KIAA1217: variants seen among roughly 807,000 people sequenced by gnomAD.
The protein encoded by KIAA1217 is KIAA1217, also known as sickle tail protein homolog.
KIAA1217 carries 88 observed loss-of-function variants against 163.9 expected under a neutral mutation model. The observed-to-expected ratio is 0.54, with a 90% CI of 0.45 to 0.64. The LOEUF (loss-of-function observed/expected upper bound fraction) is 0.64. KIAA1217 is among the 30% of genes least tolerant of loss of function. The pLI, the probability that KIAA1217 is intolerant of heterozygous loss-of-function variation, is 0.00. For synonymous variants in KIAA1217, 903 were observed against 923.1 expected, an observed-to-expected ratio of 0.98 and a Z score of 0.39; for missense variants, 2,372 against 2,475.0, an observed-to-expected ratio of 0.96 and a Z score of 0.88.
At chr10:24,210,019 G>C (rs1407622515) in intron 1 of KIAA1217, among the ~76,000 whole-genome samples, 2 of 152,116 alleles carry the variant, frequency 1.3e-5, no homozygotes, top group Non-Finnish European at 2.9e-5. Flanking sequence ...GTGATGCCAA[G>C]AGCTGATTCT....
At chr10:24,343,110 G>A (rs993629160) in intron 2 of KIAA1217, among the ~76,000 whole-genome samples, 1 of 152,074 alleles carries the variant, frequency 6.6e-6, no homozygotes, top group Non-Finnish European at 1.5e-5. Flanking sequence ...TTCTTACGAA[G>A]GCAAAGCTGC....
At chr10:24,416,791 C>T (rs752790382) in intron 3 of KIAA1217, among the ~76,000 whole-genome samples, 3 of 152,090 alleles carry the variant, frequency 2.0e-5, no homozygotes, top group East Asian at 1.9e-4. Context: ...CTCAGGCACA[C>T]GTGAGTGATT....
chr10:23,982,818 C>G lies in KIAA1217; in HGVS notation c.-320-24407C>G, dbSNP rs534544730. The stretch of plus-strand genomic sequence containing the variant: ...ATCTCAGGTGATCCACCCACCTCAG[C>G]CTCCCAACGTGCTAGGATTACAGGC... On this transcript the variant is annotated intron_variant, in intron 1 of 18. Coordinates refer to the KIAA1217 transcript ENST00000376462. Among the ~76,000 whole-genome samples, 153 of 152,210 alleles carry G rather than the reference C, an allele frequency of 1.0e-3. 3 individuals are homozygous for G. The Middle Eastern group carries it at 0.01, about 10-fold the overall frequency.
chr10:24,473,816 A>G lies in KIAA1217; in HGVS notation c.1435A>G (p.Ser479Gly). The change falls in exon 6 of 21, where the codon AGT becomes GGT. Residue 479 changes from serine (S) to glycine (G), a missense_variant. Ser to Gly is a moderately conservative substitution (Grantham distance 56, BLOSUM62 0). Transcript: ENST00000376454. ...KTPPASPHRV[S>G]DLRMIDMHAH... ...ACCCCCTGCCTCTCCTCACAGAGTCAGTGACCTGAGGATGATAGACATGCA... is the reference window on the plus strand; with the variant it reads ...ACCCCCTGCCTCTCCTCACAGAGTCGGTGACCTGAGGATGATAGACATGCA... 3.7e-6 allele frequency: 6 copies of G among 1,614,166 alleles called. No homozygotes were observed. Among genetic ancestry groups the G allele is most frequent in the Non-Finnish European group, 5.1e-6 (6 of 1,180,028 alleles).
At chr10:24,495,226 G>T in intron 8 of KIAA1217, 30 bp downstream of exon 8, 1 of 1,592,030 alleles carries the variant, frequency 6.3e-7, no homozygotes, top group South Asian at 1.1e-5. Context: ...GCTGTAGGAG[G>T]CCTGTGGGCT....
intron 1 of KIAA1217, among the ~76,000 whole-genome samples, chr10:23,992,005 TCC>T (rs1340086602): frequency 2.0e-5 from 3 of 152,098 alleles, no homozygotes; most frequent in Admixed American, 1.3e-4. Context: ...TGTCTTGCAA[TCC>T]ATTAATATTA....
intron 1 of KIAA1217, among the ~76,000 whole-genome samples, chr10:24,212,334 A>C (rs1238524578): frequency 6.6e-6 from 1 of 152,166 alleles, no homozygotes; most frequent in Non-Finnish European, 1.5e-5. Flanking sequence ...TCTGAGGAGC[A>C]ATCTTTTGAT....
intron 1 of KIAA1217, among the ~76,000 whole-genome samples, chr10:23,768,476 A>G (rs34700341): frequency 0.029 from 4,416 of 152,342 alleles, 108 homozygotes; most frequent in Non-Finnish European, 0.046. Flanking sequence ...TACATATTAA[A>G]TGCTCAATTA....
intron 5 of KIAA1217, among the ~76,000 whole-genome samples, chr10:24,463,509 C>G (rs1346476584): frequency 6.6e-6 from 1 of 152,192 alleles, no homozygotes; most frequent in African/African-American, 2.4e-5. Context: ...TAACTAAAAC[C>G]TTACAAATGG....
chr10:24,055,032 C>T (rs7079132), intron 2 of KIAA1217, among the ~76,000 whole-genome samples: 4,697 of 152,004 alleles, frequency 0.031, 229 homozygotes, highest in African/African-American at 0.1. Flanking sequence ...TTTGGGAAGC[C>T]GAGGCAAGCA....
At chr10:24,520,719 G>A (rs1196733470) in intron 11 of KIAA1217, among the ~76,000 whole-genome samples, 1 of 139,314 alleles carries the variant, frequency 7.2e-6, no homozygotes, top group Admixed American at 7.5e-5. Flanking sequence ...GGTGGTGCAT[G>A]CCTGTGGTAC....
chr10:24,207,768 C>A (rs1375453433), upstream of KIAA1217, among the ~76,000 whole-genome samples: 10 of 152,200 alleles, frequency 6.6e-5, no homozygotes. Context: ...TGTCTCCTTT[C>A]CTTTTGGCCT....
Position 23,759,023 on chromosome 10 carries a change from C to T in KIAA1217, c.-321+63789C>T, listed in dbSNP as rs184441977. Among the ~76,000 whole-genome samples, 703 of 152,158 alleles carry T rather than the reference C, an allele frequency of 4.6e-3. 2 individuals are homozygous for T. Among genetic ancestry groups the T allele is most frequent in the South Asian group, 0.029 (142 of 4,816 alleles). ...TGTAGATTGCTTTGGGTAGTATTGA[C>T]GTCTTAATAGGTTTTTCAACCCATG... On this transcript the variant is annotated intron_variant, in intron 1 of 18. Coordinates refer to the KIAA1217 transcript ENST00000376462.
chr10:23,859,764 A>G (rs956259430), intron 1 of KIAA1217, among the ~76,000 whole-genome samples: 5 of 152,166 alleles, frequency 3.3e-5, no homozygotes, highest in African/African-American at 1.2e-4. Flanking sequence ...GAAACTTACA[A>G]CATTTTTAGA....
chr10:23,869,754 T>C (rs925740106), intron 1 of KIAA1217, among the ~76,000 whole-genome samples: 2 of 152,122 alleles, frequency 1.3e-5, no homozygotes, highest in African/African-American at 4.8e-5. Context: ...CCGCCAAGAA[T>C]TCCACATGAT....
At chr10:24,287,396 T>C (rs1253633045) in intron 2 of KIAA1217, among the ~76,000 whole-genome samples, 1 of 152,190 alleles carries the variant, frequency 6.6e-6, no homozygotes, top group Non-Finnish European at 1.5e-5. Flanking sequence ...TGAGAGCCTG[T>C]GTGAGCCAAA....
At chr10:24,006,445 T>C (rs1249272574) in intron 1 of KIAA1217, among the ~76,000 whole-genome samples, 1 of 152,168 alleles carries the variant, frequency 6.6e-6, no homozygotes, top group Non-Finnish European at 1.5e-5. Flanking sequence ...CCAGTTGCCT[T>C]ATTCTGTGAG....
At position 23,881,097 on chromosome 10, in the gene KIAA1217, TA is replaced by T. The variant is rs558408191; in HGVS notation, c.-320-126115del. Reference sequence around the variant, plus strand: ...AGGAGCACTGGAGGTCTGGAGTAGATAAAAAAAAAAAAATGCTGAAGCCATG... The same window carrying T: ...AGGAGCACTGGAGGTCTGGAGTAGATAAAAAAAAAAAATGCTGAAGCCATG... On this transcript the variant is annotated intron_variant, in intron 1 of 18. Coordinates refer to the KIAA1217 transcript ENST00000376462. Among the ~76,000 whole-genome samples, 761 of 140,694 alleles carry T rather than the reference TA, an allele frequency of 5.4e-3. 3 individuals are homozygous for T. Among genetic ancestry groups the T allele is most frequent in the East Asian group, 0.026 (127 of 4,854 alleles). 92.3% of individuals were successfully genotyped at this position (140,694 alleles called of 152,430 possible).
chr10:24,308,603 A>G (rs183477236), intron 2 of KIAA1217, among the ~76,000 whole-genome samples: 1 of 152,214 alleles, frequency 6.6e-6, no homozygotes. Flanking sequence ...TCTTTAAAGG[A>G]ACAAAGCCAT....
Sources: gnomAD v4.1 joint callset for allele counts (sites outside exome capture counted in the v4.1 genomes callset) on GRCh38, gnomAD v4.1.1 for gene constraint, MANE v1.5 for transcripts, NCBI Gene and HGNC (gene_info 2026-07-23, HGNC 2026-07-21) for gene names.